Variants in NBPF26 observed in about 807,000 individuals in gnomAD.
NBPF26 encodes the protein NBPF family member NBPF26.
Under a neutral mutation model 119.6 loss-of-function variants are expected in NBPF26, and 79 were observed. The observed-to-expected ratio is 0.66, with a 90% confidence interval of 0.55 to 0.80. The LOEUF is 0.80. NBPF26 is among the 30% of genes least tolerant of loss of function. NBPF26 has a pLI of 0.00. For missense variants in NBPF26, 800 were observed against 1,198.2 expected, an observed-to-expected ratio of 0.67 and a Z score of 4.91; for synonymous variants, 299 against 457.7, an observed-to-expected ratio of 0.65 and a Z score of 4.43.
At position 120,818,161 on chromosome 1, in the gene NBPF26, C is replaced by A. The variant is rs1206325740; in HGVS notation, c.2410C>A (p.Pro804Thr). The change falls in exon 15 of 30, where the codon CCA becomes ACA. Residue 804 changes from proline to threonine, a missense_variant. Physicochemically the swap from Pro to Thr is conservative, Grantham distance 38. This residue lies in a region of NBPF26 where 59 missense variants were observed against 112.3 expected (regional missense o/e 0.53). Transcript: ENST00000620612. ...TGATGAGGAAGAGGAAGAAAAAGGA[C>A]CAGTGTCTCCCAGGTAATGTTGTGG... The A allele has an allele frequency of 7.3e-5, 37 of 506,180 alleles. 10 individuals carry two copies. In the African/African-American group the frequency reaches 8.1e-4, roughly 11 times the overall value. 31.4% of individuals were successfully genotyped at this position (506,180 alleles called of 1,614,324 possible).
intron 8 of NBPF26, 50 bp from the exon 9 acceptor site, chr1:120,810,297 A>G: frequency 6.6e-7 from 1 of 1,506,300 alleles, no homozygotes; most frequent in Non-Finnish European, 9.0e-7. Flanking sequence ...ATGGGGTCCA[A>G]TCCCTCTGTG....
rs1454616862 is a variant in NBPF26 at position 120,818,750 on chromosome 1, C to T, written c.2423+576C>T. The stretch of plus-strand genomic sequence containing the variant: ...TTCATTTTGTTATTTTCCCAGTAGT[C>T]ATTCAGGAGCAGGTTGTTCAGTTTC... On this transcript the variant is annotated intron_variant, in intron 15 of 29. Coordinates refer to ENST00000620612, the Ensembl canonical transcript of NBPF26. Among the ~76,000 whole-genome samples the T allele has an allele frequency of 3.3e-5, 4 of 120,578 alleles. 1 individual carries two copies. Among genetic ancestry groups the T allele is most frequent in the African/African-American group, 1.6e-4 (4 of 24,968 alleles). 79.1% of individuals were successfully genotyped at this position (120,578 alleles called of 152,430 possible).
rs1405341341 is a variant in NBPF26 at position 120,820,445 on chromosome 1, AAAAT to A, written c.2424-1657_2424-1654del. 2.6e-4 allele frequency among the ~76,000 whole-genome samples: 5 copies of A among 18,948 alleles called. 1 individual carries two copies. The highest frequency in any genetic ancestry group is 3.9e-4 in the Non-Finnish European group (4 of 10,324). 12.4% of individuals were successfully genotyped at this position (18,948 alleles called of 152,430 possible). ...ATGTACCCTAAGACTTAAAGTATTAAAAATATATATATATATATATATATATATA... is the reference window on the plus strand; with the variant it reads ...ATGTACCCTAAGACTTAAAGTATTAAATATATATATATATATATATATATA... On this transcript the variant is annotated intron_variant, in intron 15 of 29. Coordinates refer to ENST00000620612, the Ensembl canonical transcript of NBPF26.
chr1:120,735,230 A>AT (rs1304605324), intron 1 of NBPF26, among the ~76,000 whole-genome samples: 1 of 54,410 alleles, frequency 1.8e-5, no homozygotes, highest in Non-Finnish European at 3.3e-5. Flanking sequence ...CGCCTGGCTA[A>AT]TTTTTTGTAG....
At chr1:120,730,320 G>A (rs1650862040) in intron 1 of NBPF26, among the ~76,000 whole-genome samples, 1 of 54,038 alleles carries the variant, frequency 1.9e-5, no homozygotes, top group East Asian at 3.7e-4. Context: ...CTCATTTCTG[G>A]TGGTCCTGCT....
At chr1:120,812,895 C>A (rs1651903165) in intron 10 of NBPF26, among the ~76,000 whole-genome samples, 1 of 110,842 alleles carries the variant, frequency 9.0e-6, no homozygotes, top group South Asian at 2.6e-4. Context: ...TGCACTCCAG[C>A]CTGGGCGACA....
intron 23 of NBPF26, among the ~76,000 whole-genome samples, chr1:120,833,391 GTCTCTGTCTC>G (rs1652403985): frequency 1.2e-5 from 1 of 82,128 alleles, no homozygotes. Flanking sequence ...CTCTCTCTCT[GTCTCTGTCTC>G]TCTCTCTCTC....
rs1460149961 is a variant in NBPF26 at position 120,810,200 on chromosome 1, A to G, written c.1353-147A>G. The G allele has an allele frequency of 3.3e-4, 339 of 1,025,992 alleles. 48 individuals are homozygous for G. The highest frequency in any genetic ancestry group is 2.8e-5 in the South Asian group (2 of 71,428). 63.6% of individuals were successfully genotyped at this position (1,025,992 alleles called of 1,614,324 possible). On this transcript the variant is annotated intron_variant, in intron 8 of 29. Coordinates refer to ENST00000620612, the Ensembl canonical transcript of NBPF26. ...CATGCTCTGTTGCAGAGAGAAGCGG[A>G]TTGCCTGTTTCCTCTTTAAGGGAAC...
chr1:120,811,681 G>A (rs1651870206), intron 9 of NBPF26, among the ~76,000 whole-genome samples: 2 of 113,988 alleles, frequency 1.8e-5, no homozygotes, highest in Admixed American at 1.6e-4. Context: ...AAGTGTAGAA[G>A]TGTTTATGTC....
At chr1:120,737,978 T>C (rs1267879323) in intron 1 of NBPF26, among the ~76,000 whole-genome samples, 1 of 68,302 alleles carries the variant, frequency 1.5e-5, no homozygotes, top group East Asian at 2.9e-4. Flanking sequence ...TCTAAGACTT[T>C]ATTTTTCCAT....
rs1383015577 is a variant in NBPF26, at chr1:120,805,764, C to T, written c.960C>T (p.Tyr320=). ...TCCTGGCCAACCGACAGAAGAAATA[C>T]AGTAAGATCTATAGGCTCACCATCA... Residue 320 remains tyrosine (Y), a splice_region_variant and synonymous_variant, in exon 5 of 30, where the codon TAC becomes TAT. Coordinates refer to ENST00000620612, the Ensembl canonical transcript of NBPF26. 1.8e-5 allele frequency: 25 copies of T among 1,393,716 alleles called. 6 individuals carry two copies. Among genetic ancestry groups the T allele is most frequent in the Middle Eastern group, 2.4e-4 (1 of 4,088 alleles). The allele number at this position is 1,393,716 out of a possible 1,614,324, so 86.3% of individuals were successfully genotyped here.
At chr1:120,750,402 T>A (rs1206295370) in intron 1 of NBPF26, among the ~76,000 whole-genome samples, 1 of 86,944 alleles carries the variant, frequency 1.2e-5, no homozygotes, top group Non-Finnish European at 2.1e-5. Flanking sequence ...AGCCATAGAA[T>A]GCTTTGTAGG....
At position 120,804,728 on chromosome 1, in the gene NBPF26, A is replaced by T. The variant is rs1382304050; in HGVS notation, c.752-828A>T. On this transcript the variant is annotated intron_variant, in intron 4 of 29. Coordinates refer to ENST00000620612, the Ensembl canonical transcript of NBPF26. Reference sequence around the variant, plus strand: ...TAGAGGAAGAGCTTTGGACGTAGGGATGTCAAACTGGTCTAGAATGTAATG... The same window carrying T: ...TAGAGGAAGAGCTTTGGACGTAGGGTTGTCAAACTGGTCTAGAATGTAATG... Among the ~76,000 whole-genome samples the T allele has an allele frequency of 1.7e-5, 2 of 117,456 alleles. 1 individual carries two copies. The highest frequency in any genetic ancestry group is 1.6e-4 in the Admixed American group (2 of 12,320). The allele number at this position is 117,456 out of a possible 152,430, so 77.1% of individuals were successfully genotyped here. A position where few individuals can be genotyped will look rare whatever the true frequency, so the allele number is the denominator to read the frequency against.
Position 120,793,440 on chromosome 1 carries a change from A to G in NBPF26, c.695A>G (p.Asn232Ser), listed in dbSNP as rs1467969206. ...CCCTGTGCACACTCGCCTTGTGTCA[A>G]TGGAGGCACCTGTCGGCAGACTGGT... The change falls in exon 4 of 30, where the codon AAT becomes AGT. Residue 232 changes from asparagine (N) to serine (S), a missense_variant. Asn to Ser is a conservative substitution (Grantham distance 46). Coordinates refer to ENST00000620612, the Ensembl canonical transcript of NBPF26. The G allele has an allele frequency of 1.2e-5, 18 of 1,441,520 alleles. 3 individuals carry two copies. The Middle Eastern group carries it at 5.4e-4, about 43-fold the overall frequency. The allele number at this position is 1,441,520 out of a possible 1,614,324, so 89.3% of individuals were successfully genotyped here. A position where few individuals can be genotyped will look rare whatever the true frequency, so the allele number is the denominator to read the frequency against.
chr1:120,840,792 A>T (rs1242206587), downstream of NBPF26: 3 of 662,452 alleles, frequency 4.5e-6, no homozygotes, highest in Non-Finnish European at 7.0e-6. Context: ...TAGGTGTGAC[A>T]CGTTCACATA....
rs1651514138 is a variant in NBPF26 at position 120,793,293 on chromosome 1, T to A, written c.548T>A (p.Val183Asp). The A allele has an allele frequency of 2.0e-5, 28 of 1,395,770 alleles. 9 individuals are homozygous for A. The highest frequency in any genetic ancestry group is 1.9e-5 in the Non-Finnish European group (20 of 1,038,808). The allele number at this position is 1,395,770 out of a possible 1,614,324, so 86.5% of individuals were successfully genotyped here. The change falls in exon 4 of 30, where the codon GTC (valine) becomes GAC (aspartate). Residue 183 changes from valine to aspartate, a missense_variant. Transcript: ENST00000620612. ...ACAGGGCAGAAGTGTGAGACTGATGTCAATGAGTGTGACATTCCAGGACAC... is the reference window on the plus strand; with the variant it reads ...ACAGGGCAGAAGTGTGAGACTGATGACAATGAGTGTGACATTCCAGGACAC...
At chr1:120,815,943 TTC>T (rs1651999181) in intron 12 of NBPF26, 140 bp from the exon 13 acceptor site, 1 of 192,406 alleles carries the variant, frequency 5.2e-6, no homozygotes, top group Non-Finnish European at 9.2e-6. Context: ...TGCCAGGGCA[TTC>T]TGTTAAAGAT....
chr1:120,770,711 T>C (rs1341758231), intron 2 of NBPF26, among the ~76,000 whole-genome samples: 53,430 of 95,818 alleles, frequency 0.56, 14,944 homozygotes, highest in Middle Eastern at 0.59. Flanking sequence ...ACCTGAGATA[T>C]ACTCGTGGAA....
intron 3 of NBPF26, among the ~76,000 whole-genome samples, chr1:120,791,356 A>C (rs1651491791): frequency 1.9e-5 from 2 of 104,020 alleles, no homozygotes; most frequent in Non-Finnish European, 3.5e-5. Context: ...ACGTATGTTT[A>C]TTGCGGCACT....
Sources: allele counts gnomAD v4.1 joint callset (sites outside exome capture counted in the v4.1 genomes callset), GRCh38; gene constraint gnomAD v4.1.1; regional missense constraint gnomAD v4.1.1; transcripts MANE v1.5; gene names NCBI Gene and HGNC (gene_info 2026-07-23, HGNC 2026-07-21).